KIAA1217: variants seen among roughly 807,000 people sequenced by gnomAD.
KIAA1217 encodes sickle tail protein homolog.
A neutral mutation model predicts 163.9 loss-of-function variants in KIAA1217; 88 were observed. The observed-to-expected ratio is 0.54, with a 90% CI of 0.45 to 0.64. The LOEUF (loss-of-function observed/expected upper bound fraction) is 0.64. Among genes scored for constraint, KIAA1217 ranks in the 30% least tolerant of loss-of-function variants. The pLI is 0.00. For missense variants in KIAA1217, 2,372 were observed against 2,475.0 expected, an observed-to-expected ratio of 0.96 and a Z score of 0.88; for synonymous variants, 903 against 923.1, an observed-to-expected ratio of 0.98 and a Z score of 0.39.
chr10:24,005,034 A>G (rs908146775), intron 1 of KIAA1217, among the ~76,000 whole-genome samples: 2 of 152,238 alleles, frequency 1.3e-5, no homozygotes, highest in African/African-American at 4.8e-5. Flanking sequence ...TTATTCACAT[A>G]GAATTGTGAA....
chr10:24,380,893 A>G lies in KIAA1217; in HGVS notation c.379A>G (p.Ser127Gly). 6.4e-7 allele frequency: 1 copy of G among 1,568,866 alleles called. No individual in the cohort carries two copies. ...DQTRSPKLSH[S>G]PQPPSLGDPV... ...GACAAGGAGCCCCAAACTGTCTCACAGTCCTCAACCACCCAGTCTGGGTGA... is the reference window on the plus strand; with the variant it reads ...GACAAGGAGCCCCAAACTGTCTCACGGTCCTCAACCACCCAGTCTGGGTGA... The change falls in exon 3 of 21, where the codon AGT becomes GGT. Residue 127 changes from serine (S) to glycine (G), a missense_variant. Ser to Gly is a moderately conservative substitution (Grantham distance 56). Around this residue, in one of 3 missense-constraint regions of KIAA1217, gnomAD observed 1,431 missense variants for 1,470.3 expected, o/e 0.97. Coordinates refer to ENST00000376454, the MANE Select transcript of KIAA1217 (RefSeq NM_019590.5).
chr10:24,469,773 A>G (rs2063308474), intron 5 of KIAA1217, among the ~76,000 whole-genome samples: 1 of 151,908 alleles, frequency 6.6e-6, no homozygotes, highest in Non-Finnish European at 1.5e-5. Flanking sequence ...CACCATGCCC[A>G]GCTAATTTTT....
intron 2 of KIAA1217, among the ~76,000 whole-genome samples, chr10:24,056,265 T>C (rs1312429020): frequency 6.6e-6 from 1 of 151,674 alleles, no homozygotes; most frequent in Admixed American, 6.6e-5. Flanking sequence ...GAGATGGAGG[T>C]CACGGTGAGC....
At chr10:24,177,264 T>TATATAC (rs2065941880) in intron 2 of KIAA1217, among the ~76,000 whole-genome samples, 1 of 72,834 alleles carries the variant, frequency 1.4e-5, no homozygotes, top group East Asian at 3.1e-4. Flanking sequence ...CCATCATATA[T>TATATAC]ATATATATAT....
Position 24,302,371 on chromosome 10 carries a change from A to T in KIAA1217, c.355-78498A>T, listed in dbSNP as rs145842404. On this transcript the variant is annotated intron_variant, in intron 2 of 20. Transcript: ENST00000376454. ...GAACTCTGAATGCACATTCTTCTTGATCATAGTGTCATTCTCAGGGCATGC... is the reference window on the plus strand; with the variant it reads ...GAACTCTGAATGCACATTCTTCTTGTTCATAGTGTCATTCTCAGGGCATGC... Among the ~76,000 whole-genome samples, 14 of 152,192 alleles carry T rather than the reference A, an allele frequency of 9.2e-5. No homozygotes were observed. In the East Asian group the frequency reaches 2.5e-3, roughly 27 times the overall value.
chr10:23,850,601 A>G (rs1186581036), intron 1 of KIAA1217, among the ~76,000 whole-genome samples: 1 of 152,154 alleles, frequency 6.6e-6, no homozygotes, highest in Non-Finnish European at 1.5e-5. Flanking sequence ...TGTTTGTTGA[A>G]TAACATTTAT....
chr10:24,286,102 A>C (rs1031270013), intron 2 of KIAA1217, among the ~76,000 whole-genome samples: 4 of 152,020 alleles, frequency 2.6e-5, no homozygotes, highest in African/African-American at 9.7e-5. Context: ...CAGGTCTAGG[A>C]GCCTTTTGGC....
chr10:24,413,731 T>TC (rs1333514254), intron 3 of KIAA1217, among the ~76,000 whole-genome samples: 1 of 152,120 alleles, frequency 6.6e-6, no homozygotes, highest in Non-Finnish European at 1.5e-5. Context: ...TTTGCCTCCT[T>TC]CCCCCAGATA....
chr10:24,037,914 A>G (rs1329206267), intron 2 of KIAA1217, among the ~76,000 whole-genome samples: 2 of 152,088 alleles, frequency 1.3e-5, no homozygotes, highest in East Asian at 3.9e-4. Flanking sequence ...AGACTCTATG[A>G]TTATTCATTT....
In KIAA1217 at chr10:23,912,530, G is replaced by T. The variant is rs1157988346; in HGVS notation, c.-320-94695G>T. Among the ~76,000 whole-genome samples the T allele has an allele frequency of 2.6e-5, 4 of 151,820 alleles. No individual in the cohort carries two copies. In the East Asian group the frequency reaches 7.8e-4, roughly 29 times the overall value. ...AGTCCCCAGTGTCTGTTATTACTTT[G>T]TGTCCATGTGTACCCATTGTTTAGC... is the stretch of plus-strand genomic sequence containing the variant. On this transcript the variant is annotated intron_variant, in intron 1 of 18. Coordinates refer to the KIAA1217 transcript ENST00000376462.
At chr10:23,725,452 C>T (rs1838084359) in intron 1 of KIAA1217, among the ~76,000 whole-genome samples, 1 of 152,178 alleles carries the variant, frequency 6.6e-6, no homozygotes, top group Non-Finnish European at 1.5e-5. Flanking sequence ...ATACTTCCCC[C>T]ATCCTTTACA....
chr10:24,067,822 C>G (rs1036899538), intron 2 of KIAA1217, among the ~76,000 whole-genome samples: 5 of 152,170 alleles, frequency 3.3e-5, no homozygotes, highest in African/African-American at 1.2e-4. Context: ...CTTTGTTTAC[C>G]TACTCAAGCC....
At chr10:24,324,893 T>TAACAATGCTCA (rs1392867541) in intron 2 of KIAA1217, among the ~76,000 whole-genome samples, 1 of 152,194 alleles carries the variant, frequency 6.6e-6, no homozygotes, top group African/African-American at 2.4e-5. Context: ...ATCTTGCCCC[T>TAACAATGCTCA]ATTCAGCGAC....
At chr10:23,945,094 A>G (rs1396611897) in intron 1 of KIAA1217, among the ~76,000 whole-genome samples, 1 of 151,416 alleles carries the variant, frequency 6.6e-6, no homozygotes, top group Non-Finnish European at 1.5e-5. Flanking sequence ...ACATACATCT[A>G]TCATCCAGTA....
At chr10:24,115,858 G>C (rs2131757872) in intron 2 of KIAA1217, among the ~76,000 whole-genome samples, 1 of 152,300 alleles carries the variant, frequency 6.6e-6, no homozygotes, top group African/African-American at 2.4e-5. Context: ...TCAGAGTACA[G>C]TCATCTTTCC....
intron 1 of KIAA1217, among the ~76,000 whole-genome samples, chr10:23,824,155 C>G (rs185600809): frequency 2.0e-5 from 3 of 152,106 alleles, no homozygotes; most frequent in Admixed American, 1.3e-4. Context: ...CACCTATGGT[C>G]CCAGCTACTT....
chr10:24,437,375 A>C (rs1237638258), intron 4 of KIAA1217, among the ~76,000 whole-genome samples: 1 of 152,240 alleles, frequency 6.6e-6, no homozygotes, highest in Non-Finnish European at 1.5e-5. Context: ...TAAAGGAGAA[A>C]GAGAAGACTA....
At chr10:24,054,676 A>G (rs1258500748) in intron 2 of KIAA1217, among the ~76,000 whole-genome samples, 3 of 152,168 alleles carry the variant, frequency 2.0e-5, no homozygotes, top group Admixed American at 6.5e-5. Context: ...TCATTAGGCA[A>G]TTTCATCATT....
intron 16 of KIAA1217, among the ~76,000 whole-genome samples, chr10:24,534,996 G>A (rs370660336): frequency 4.0e-4 from 61 of 151,456 alleles, no homozygotes; most frequent in East Asian, 3.9e-3. Context: ...TCCGCAACTC[G>A]ATCAATGGCC....
Sources: gnomAD v4.1 joint callset for allele counts (sites outside exome capture counted in the v4.1 genomes callset) on GRCh38, gnomAD v4.1.1 for gene constraint, gnomAD v4.1.1 regional missense constraint, MANE v1.5 for transcripts, NCBI Gene and HGNC (gene_info 2026-07-23, HGNC 2026-07-21) for gene names.